CNGA1: variants seen among roughly 807,000 people sequenced by gnomAD.
The protein encoded by CNGA1 is cyclic nucleotide-gated channel alpha-1.
Under a neutral mutation model 69.7 loss-of-function variants are expected in CNGA1, and 53 were observed. The observed-to-expected ratio is 0.76, with a 90% CI of 0.61 to 0.96. The LOEUF (loss-of-function observed/expected upper bound fraction) is 0.96. CNGA1 is among the 40% of genes least tolerant of loss of function. CNGA1 has a pLI of 0.00. For synonymous variants in CNGA1, 249 were observed against 283.5 expected, an observed-to-expected ratio of 0.88 and a Z score of 1.22; for missense variants, 739 against 811.2, an observed-to-expected ratio of 0.91 and a Z score of 1.08.
At chr4:47,997,020 A>G (rs1425410744) in intron 2 of CNGA1, among the ~76,000 whole-genome samples, 1 of 152,212 alleles carries the variant, frequency 6.6e-6, no homozygotes, top group Non-Finnish European at 1.5e-5. Context: ...AGATTGTGCC[A>G]CTTGACTCCA....
At chr4:47,989,066 C>T (rs1742122558) in intron 2 of CNGA1, among the ~76,000 whole-genome samples, 1 of 152,102 alleles carries the variant, frequency 6.6e-6, no homozygotes, top group Non-Finnish European at 1.5e-5. Flanking sequence ...TTTGCCTAGT[C>T]AAGAGTATCA....
At position 47,937,573 on chromosome 4, in the gene CNGA1, G is replaced by A. The variant is rs779969029; in HGVS notation, c.909C>T (p.Ile303=). 2.0e-5 allele frequency: 33 copies of A among 1,613,956 alleles called. No individual in the cohort carries two copies. Among genetic ancestry groups the A allele is most frequent in the Admixed American group, 3.3e-5 (2 of 59,998 alleles). The change falls in exon 11 of 11, where the codon ATC becomes ATT. Residue 303 remains isoleucine, a synonymous_variant. Transcript: ENST00000514170. ...ATGCATTCCAGTGGATAATGATGAC[G>A]ATATACATAACAAGGTTGGAAATCC... ...IFRISNLVMY[I]VIIIHWNACV...
intron 2 of CNGA1, among the ~76,000 whole-genome samples, chr4:47,991,148 A>G (rs1014584358): frequency 1.3e-5 from 2 of 152,156 alleles, no homozygotes; most frequent in African/African-American, 4.8e-5. Context: ...TTGTATAACA[A>G]CTTCTTTTCC....
intron 3 of CNGA1, among the ~76,000 whole-genome samples, chr4:47,965,155 G>T (rs565937806): frequency 1.3e-5 from 2 of 152,104 alleles, no homozygotes; most frequent in South Asian, 2.1e-4. Flanking sequence ...CGGATATCCA[G>T]TATGGTCCTT....
intron 3 of CNGA1, among the ~76,000 whole-genome samples, chr4:47,972,752 C>T (rs1007666021): frequency 6.6e-6 from 1 of 152,136 alleles, no homozygotes; most frequent in Admixed American, 6.5e-5. Flanking sequence ...GAAATGCCTA[C>T]TAGGTGTCAA....
intron 3 of CNGA1, among the ~76,000 whole-genome samples, chr4:47,957,363 C>T (rs1473301524): frequency 3.3e-5 from 5 of 152,188 alleles, no homozygotes; most frequent in Middle Eastern, 3.4e-3. Context: ...ACCTGTAATC[C>T]AAGCACTTTG....
rs1448740439 is a variant in CNGA1 at position 47,949,909 on chromosome 4, A to C, written c.225-14T>G. ...AGGTACTGCTCCCTGGGAAATGAAAAACATGCAGTGAAATCACAGTAGTCA... is the reference window on the plus strand; with the variant it reads ...AGGTACTGCTCCCTGGGAAATGAAACACATGCAGTGAAATCACAGTAGTCA... On this transcript the variant is annotated splice_polypyrimidine_tract_variant and intron_variant, in intron 5 of 10. Coordinates refer to ENST00000514170, the MANE Select transcript of CNGA1 (RefSeq NM_001379270.1). 6.2e-7 allele frequency: 1 copy of C among 1,613,524 alleles called. No individual in the cohort carries two copies. The highest frequency in any genetic ancestry group is 1.3e-5 in the African/African-American group (1 of 74,928).
chr4:47,998,570 T>G (rs6829804), intron 2 of CNGA1, among the ~76,000 whole-genome samples: 15,904 of 151,978 alleles, frequency 0.1, 1,321 homozygotes, highest in East Asian at 0.32. Flanking sequence ...AGGTCAAGAG[T>G]TCGAGACCAG....
At chr4:48,006,756 TG>T (rs1335880840) in intron 2 of CNGA1, among the ~76,000 whole-genome samples, 3 of 152,126 alleles carry the variant, frequency 2.0e-5, no homozygotes, top group African/African-American at 7.2e-5. Flanking sequence ...CCAGTAGTTG[TG>T]ATTACAGGTG....
intron 6 of CNGA1, 88 bp from the exon 7 acceptor site, chr4:47,943,500 T>A (rs944274645): frequency 1.4e-4 from 121 of 887,410 alleles, no homozygotes; most frequent in Middle Eastern, 3.6e-4. Flanking sequence ...ATCTCAGCTT[T>A]GCATTCAAAG....
chr4:47,980,472 C>CTTTTTTTTTTTTTTT (rs5858098), intron 3 of CNGA1, among the ~76,000 whole-genome samples: 1 of 112,384 alleles, frequency 8.9e-6, no homozygotes, highest in African/African-American at 3.4e-5. Flanking sequence ...TTCTTTCTTT[C>CTTTTTTTTTTTTTTT]TTTTTTTTTT....
rs759781200 is a variant in CNGA1, at chr4:47,940,775, G to A, written c.640C>T (p.Arg214Ter). ...TGAACATATTTACCTGTCCTTGTTC[G>A]TACAAACATATCGATTAAATAGACT... ...DIVYLIDMFV[R>*]TRTGYLEQGL... The change falls in exon 10 of 11, where the codon CGA (arginine) becomes TGA (stop). Residue 214 changes from arginine (R) to a stop codon, truncating the protein, a stop_gained. Transcript: ENST00000514170. LOFTEE classifies it high-confidence loss of function. 51 of 1,594,202 alleles carry A rather than the reference G, an allele frequency of 3.2e-5. No homozygotes were observed. The highest frequency in any genetic ancestry group is 3.2e-4 in the Admixed American group (19 of 59,898).
intron 3 of CNGA1, among the ~76,000 whole-genome samples, chr4:47,953,113 G>A (rs764990490): frequency 4.6e-5 from 7 of 152,120 alleles, no homozygotes; most frequent in South Asian, 2.1e-4. Context: ...TTAAGATGAA[G>A]TTTGGGTGGG....
At chr4:48,014,381 A>G (rs1715288186) in intron 1 of CNGA1, among the ~76,000 whole-genome samples, 1 of 151,772 alleles carries the variant, frequency 6.6e-6, no homozygotes, top group Admixed American at 6.6e-5. Flanking sequence ...ATGAGTTTAA[A>G]TATTTTTTTT....
At chr4:47,994,391 T>C (rs1434966472) in intron 2 of CNGA1, among the ~76,000 whole-genome samples, 2 of 152,186 alleles carry the variant, frequency 1.3e-5, no homozygotes, top group African/African-American at 2.4e-5. Flanking sequence ...AGGATTGTGA[T>C]AGTTTCCTGT....
chr4:47,983,243 G>A (rs187949390), intron 2 of CNGA1, among the ~76,000 whole-genome samples: 13 of 147,906 alleles, frequency 8.8e-5, no homozygotes, highest in African/African-American at 2.9e-4. Flanking sequence ...AAATGTTATT[G>A]TGTCCATCCT....
rs1434380998 is a variant in CNGA1 at position 47,981,428 on chromosome 4, G to T, written c.-50C>A. 1 of 152,170 alleles carries T rather than the reference G, an allele frequency of 6.6e-6. No individual in the cohort carries two copies. Among genetic ancestry groups the T allele is most frequent in the African/African-American group, 2.4e-5 (1 of 41,426 alleles). 9.4% of individuals were successfully genotyped at this position (152,170 alleles called of 1,614,324 possible). ...TTAAGTAATATAACTTTGTCTTCTA[G>T]AAGTGGACGTCACTGGTGTATCCAA... On this transcript the variant is annotated 5_prime_UTR_variant, in exon 3 of 11. Coordinates refer to ENST00000514170, the MANE Select transcript of CNGA1 (RefSeq NM_001379270.1).
In CNGA1 at chr4:47,936,600, C is replaced by CCT; in HGVS notation, c.1880_1881dup (p.Gly628ArgfsTer4). The stretch of plus-strand genomic sequence containing the variant: ...CTGGTTTGCAGGAGGTCTACTGACC[C>CCT]CTCCATTCGAGTAACCTTCTCTTCA... On this transcript the variant is annotated frameshift_variant, in exon 11 of 11. Transcript: ENST00000514170. LOFTEE classifies it high-confidence loss of function. 6.2e-7 allele frequency: 1 copy of CCT among 1,614,162 alleles called. No individual in the cohort carries two copies. The highest frequency in any genetic ancestry group is 8.5e-7 in the Non-Finnish European group (1 of 1,180,024).
At position 47,992,059 on chromosome 4, in the gene CNGA1, G is replaced by T. The variant is rs191991707; in HGVS notation, c.-122-10559C>A. ...TTTTATGCCAGTATCATGCTGTTTT[G>T]GTGACTATGGCCTTATAGTATAGTT... On this transcript the variant is annotated intron_variant, in intron 2 of 10. Transcript: ENST00000514170. 2.7e-3 allele frequency among the ~76,000 whole-genome samples: 409 copies of T among 152,156 alleles called. 2 individuals are homozygous for T. The highest frequency in any genetic ancestry group is 8.9e-3 in the African/African-American group (369 of 41,526).
Sources: allele counts gnomAD v4.1 joint callset (sites outside exome capture counted in the v4.1 genomes callset), GRCh38; gene constraint gnomAD v4.1.1; transcripts MANE v1.5; gene names NCBI Gene and HGNC (gene_info 2026-07-23, HGNC 2026-07-21).